The following ADGRE3 variants were observed in gnomAD, a reference collection of about 807,000 sequenced individuals.
ADGRE3 encodes adhesion G protein-coupled receptor E3, also known as EGF-like module receptor 3.
A neutral mutation model predicts 80.1 loss-of-function variants in ADGRE3; 88 were observed. The observed-to-expected ratio is 1.10, with a 90% CI of 0.93 to 1.31. ADGRE3 has a LOEUF of 1.31. Among genes scored for constraint, ADGRE3 ranks in the 40% most tolerant of loss-of-function variants. The pLI is 0.00. For missense variants in ADGRE3, 715 were observed against 776.5 expected (o/e 0.92, Z 0.94); for synonymous variants, 281 against 294.8 (o/e 0.95, Z 0.48).
chr19:14,632,892 A>G, intron 13 of ADGRE3, 29 bp downstream of exon 13: 2 of 1,444,706 alleles, frequency 1.4e-6, no homozygotes. Context: ...AAGGAAAGGG[A>G]ATAGGAAGTA....
chr19:14,618,845 T>TCAAAAAAAA (rs2075098979), downstream of ADGRE3, among the ~76,000 whole-genome samples: 1 of 11,270 alleles, frequency 8.9e-5, no homozygotes, highest in Non-Finnish European at 2.0e-4. Context: ...AAACTCCATC[T>TCAAAAAAAA]CAAAAAAAAA....
At chr19:14,623,686 C>T (rs572468559) in intron 15 of ADGRE3, among the ~76,000 whole-genome samples, 1 of 152,314 alleles carries the variant, frequency 6.6e-6, no homozygotes, top group African/African-American at 2.4e-5. Flanking sequence ...TGTGGGCCCA[C>T]ATCCACATCT....
rs529590853 is a variant in ADGRE3, at chr19:14,653,116, G to T, written c.577+1866C>A. On this transcript the variant is annotated intron_variant, in intron 6 of 15. Coordinates refer to ENST00000253673, the MANE Select transcript of ADGRE3 (RefSeq NM_032571.5). ...TCCTTCCTCAGCCTCACAAGTAGCT[G>T]GGATTACAGGCATGCACCACCACGC... is the stretch of plus-strand genomic sequence containing the variant. 5.1e-4 allele frequency among the ~76,000 whole-genome samples: 78 copies of T among 151,982 alleles called. 1 individual carries two copies. Among genetic ancestry groups the T allele is most frequent in the Non-Finnish European group, 6.6e-4 (45 of 67,994 alleles).
chr19:14,673,228 G>A (rs1285893316), intron 1 of ADGRE3, among the ~76,000 whole-genome samples: 1 of 152,236 alleles, frequency 6.6e-6, no homozygotes, highest in Non-Finnish European at 1.5e-5. Context: ...CAGAATAGCT[G>A]TGAGGCTTTG....
chr19:14,616,168 C>CCTT (rs2075074414), downstream of ADGRE3, among the ~76,000 whole-genome samples: 1 of 151,790 alleles, frequency 6.6e-6, no homozygotes, highest in South Asian at 2.1e-4. Flanking sequence ...CTGACCTCTG[C>CCTT]CCTTGTGATC....
chr19:14,644,461 C>T (rs987878161), intron 8 of ADGRE3, among the ~76,000 whole-genome samples, 186 bp from the exon 9 acceptor site: 1 of 152,032 alleles, frequency 6.6e-6, no homozygotes, highest in African/African-American at 2.4e-5. Flanking sequence ...GCTGGGATTA[C>T]AGACGTGCAG....
At chr19:14,621,166 C>T (rs970623566) in intron 15 of ADGRE3, among the ~76,000 whole-genome samples, 4 of 151,994 alleles carry the variant, frequency 2.6e-5, no homozygotes, top group African/African-American at 9.7e-5. Context: ...ATTACAGGCA[C>T]CTGCCACCAT....
At position 14,625,348 on chromosome 19, in the gene ADGRE3, A is replaced by G. The variant is rs544728122; in HGVS notation, c.1920+144T>C. 47 of 617,556 alleles carry G rather than the reference A, an allele frequency of 7.6e-5. No individual in the cohort carries two copies. In the African/African-American group the frequency reaches 7.8e-4, roughly 10 times the overall value. The allele number at this position is 617,556 out of a possible 1,614,324, so 38.3% of individuals were successfully genotyped here. On this transcript the variant is annotated intron_variant, in intron 15 of 15. Transcript: ENST00000253673. ...AAACCACCATGGCACACGTTTACCT[A>G]TGTAACAAACCTGCACATGTAACCT...
At chr19:14,665,184 C>T (rs113922529) in intron 2 of ADGRE3, among the ~76,000 whole-genome samples, 2 of 151,328 alleles carry the variant, frequency 1.3e-5, no homozygotes, top group East Asian at 3.9e-4. Flanking sequence ...CTGCCTCAGC[C>T]TCCTGAGTAG....
At chr19:14,670,985 C>T (rs999648040) in intron 1 of ADGRE3, among the ~76,000 whole-genome samples, 2 of 152,172 alleles carry the variant, frequency 1.3e-5, no homozygotes, top group African/African-American at 2.4e-5. Context: ...CGGCAGATGC[C>T]ACTCACCAGA....
At chr19:14,605,263 T>G in the ADGRE3 span, among the ~76,000 whole-genome samples, 1 of 152,030 alleles carries the variant, frequency 6.6e-6, no homozygotes, top group South Asian at 2.1e-4. Context: ...GCCTGGCTAA[T>G]TTTTGTATTT....
intron 7 of ADGRE3, among the ~76,000 whole-genome samples, chr19:14,648,809 G>A (rs1396420476): frequency 6.6e-6 from 1 of 152,114 alleles, no homozygotes; most frequent in Non-Finnish European, 1.5e-5. Context: ...TGCACTATCA[G>A]TTCTACCTTG....
At chr19:14,613,963 G>A in the ADGRE3 span, among the ~76,000 whole-genome samples, 2 of 152,060 alleles carry the variant, frequency 1.3e-5, no homozygotes, top group African/African-American at 4.8e-5. Context: ...TGGGATTACA[G>A]GTGTGAGCCA....
In ADGRE3 at chr19:14,651,069, C is replaced by T. The variant is rs2146867877; in HGVS notation, c.697+16G>A. The T allele has an allele frequency of 6.2e-7, 1 of 1,613,676 alleles. No individual in the cohort carries two copies. The highest frequency in any genetic ancestry group is 8.5e-7 in the Non-Finnish European group (1 of 1,179,792). On this transcript the variant is annotated intron_variant, in intron 7 of 15. Coordinates refer to ENST00000253673, the MANE Select transcript of ADGRE3 (RefSeq NM_032571.5). Reference sequence around the variant, plus strand: ...GGCTCTGTGTGAAGGATTCTGAATGCAGCCATCAGGCATACCTTGTGTGTC... The same window carrying T: ...GGCTCTGTGTGAAGGATTCTGAATGTAGCCATCAGGCATACCTTGTGTGTC...
chr19:14,671,998 C>T (rs1239223097), intron 1 of ADGRE3, among the ~76,000 whole-genome samples: 2 of 152,164 alleles, frequency 1.3e-5, no homozygotes, highest in African/African-American at 2.4e-5. Context: ...GATCCTCCTT[C>T]TGTGGCCTCC....
chr19:14,625,492 C>A lies in ADGRE3; in HGVS notation c.1920G>T (p.Glu640Asp). The part of the protein sequence containing the change: ...SKMGPDSKPS[E>D]GDVFPGQVKR... ...AGAACAATTCAGATGTTTCACTTAC[C>A]TCACTGGGTTTTGAGTCAGGACCCA... The change falls in exon 15 of 16, where the codon GAG becomes GAT. Residue 640 changes from glutamate to aspartate, a missense_variant and splice_region_variant. Physicochemically the swap from Glu to Asp is conservative, Grantham distance 45. Transcript: ENST00000253673. 3 of 1,583,940 alleles carry A rather than the reference C, an allele frequency of 1.9e-6. No individual in the cohort carries two copies. The highest frequency in any genetic ancestry group is 2.6e-6 in the Non-Finnish European group (3 of 1,152,736).
intron 7 of ADGRE3, among the ~76,000 whole-genome samples, chr19:14,647,714 G>T (rs749009061): frequency 1.3e-5 from 2 of 151,124 alleles, no homozygotes; most frequent in Non-Finnish European, 2.9e-5. Context: ...CACCATGCCC[G>T]GTCTGCCGTT....
chr19:14,660,250 A>C (rs1335593054), intron 4 of ADGRE3, among the ~76,000 whole-genome samples: 1 of 152,202 alleles, frequency 6.6e-6, no homozygotes, highest in Admixed American at 6.5e-5. Context: ...AAATAAGACA[A>C]GTTTAAGAGA....
intron 4 of ADGRE3, 146 bp downstream of exon 4, chr19:14,661,817 T>C: frequency 1.3e-6 from 1 of 756,084 alleles, no homozygotes; most frequent in Non-Finnish European, 2.2e-6. Flanking sequence ...GGAGAATCGC[T>C]TGAGCCCGGG....
Sources: gnomAD v4.1 joint callset for allele counts (sites outside exome capture counted in the v4.1 genomes callset) on GRCh38, gnomAD v4.1.1 for gene constraint, MANE v1.5 for transcripts, NCBI Gene and HGNC (gene_info 2026-07-23, HGNC 2026-07-21) for gene names.